The following DIXDC1 variants were observed in gnomAD, a reference collection of about 807,000 sequenced individuals.
The protein encoded by DIXDC1 is dixin.
A neutral mutation model predicts 103.1 loss-of-function variants in DIXDC1; 64 were observed. That is an observed-to-expected ratio of 0.62 (90% CI 0.51 to 0.76). The LOEUF (loss-of-function observed/expected upper bound fraction) is 0.76, where lower values mean the gene tolerates loss of function less well. DIXDC1 is among the 30% of genes least tolerant of loss of function. DIXDC1 has a pLI of 0.00. For missense variants in DIXDC1, 759 were observed against 834.2 expected, an observed-to-expected ratio of 0.91 and a Z score of 1.11; for synonymous variants, 266 against 298.5, an observed-to-expected ratio of 0.89 and a Z score of 1.12.
chr11:111,950,237 C>G (rs587644368), intron 1 of DIXDC1, among the ~76,000 whole-genome samples: 7 of 149,850 alleles, frequency 4.7e-5, no homozygotes, highest in African/African-American at 1.7e-4. Context: ...ACCAATGTGA[C>G]CCAAAAAAAG....
chr11:111,975,900 C>G, intron 5 of DIXDC1: 1 of 976,940 alleles, frequency 1.0e-6, no homozygotes, highest in Non-Finnish European at 1.2e-6. Context: ...GGTAAACTTG[C>G]TAACTTTTTA....
rs782369905 is a variant in DIXDC1, at chr11:111,980,855, A to G, written c.769+6A>G. 58 of 1,609,670 alleles carry G rather than the reference A, an allele frequency of 3.6e-5. No homozygotes were observed. In the South Asian group the frequency reaches 5.6e-4, roughly 16 times the overall value. ...AGGAATAGAGAACAGAACAGGTACT[A>G]TCTCTACGCCTGCCTGGGCTGGTTC... On this transcript the variant is annotated splice_donor_region_variant and intron_variant, in intron 6 of 19. Transcript: ENST00000440460.
intron 1 of DIXDC1, among the ~76,000 whole-genome samples, chr11:111,946,269 C>T (rs991700315): frequency 7.9e-5 from 12 of 152,278 alleles, no homozygotes; most frequent in African/African-American, 1.7e-4. Context: ...CCACTGTGCC[C>T]GGCTAATTTT....
chr11:111,943,436 G>C (rs2137449754), intron 1 of DIXDC1, among the ~76,000 whole-genome samples: 1 of 150,456 alleles, frequency 6.6e-6, no homozygotes, highest in South Asian at 2.1e-4. Context: ...GAACCACCGC[G>C]CCCGGCTACG....
intron 17 of DIXDC1, among the ~76,000 whole-genome samples, chr11:112,006,073 C>G (rs1861228073): frequency 6.6e-6 from 1 of 152,214 alleles, no homozygotes; most frequent in African/African-American, 2.4e-5. Flanking sequence ...AAACGGAACA[C>G]TCCTCCCCCA....
chr11:112,007,710 C>T (rs1555176752), intron 17 of DIXDC1, among the ~76,000 whole-genome samples: 1 of 152,084 alleles, frequency 6.6e-6, no homozygotes, highest in African/African-American at 2.4e-5. Flanking sequence ...CCAAACTAAG[C>T]TTCATAAGTG....
At chr11:111,936,476 C>T (rs1191231962), upstream of DIXDC1, among the ~76,000 whole-genome samples, 1 of 152,114 alleles carries the variant, frequency 6.6e-6, no homozygotes, top group African/African-American at 2.4e-5. Context: ...TATTTTAAAA[C>T]ACATTAAAAT....
At chr11:111,966,951 G>GCAGT (rs782378015) in intron 2 of DIXDC1, among the ~76,000 whole-genome samples, 9 of 152,136 alleles carry the variant, frequency 5.9e-5, no homozygotes, top group Admixed American at 2.0e-4. Context: ...ATTCAACATA[G>GCAGT]CAGTACTTGA....
At position 111,993,657 on chromosome 11, in the gene DIXDC1, T is replaced by A. The variant is rs1449885830; in HGVS notation, c.1366-12T>A. On this transcript the variant is annotated splice_polypyrimidine_tract_variant and intron_variant, in intron 13 of 19. Coordinates refer to ENST00000440460, the MANE Select transcript of DIXDC1 (RefSeq NM_001037954.4). ...AAAGAAATCATTTTCTGATTTAGTG[T>A]CTATTTTGCAGGTGGATCTAGAGCG... 1 of 1,613,876 alleles carries A rather than the reference T, an allele frequency of 6.2e-7. No individual in the cohort carries two copies. The highest frequency in any genetic ancestry group is 8.5e-7 in the Non-Finnish European group (1 of 1,179,900).
At chr11:112,000,694 TA>T (rs1213037054) in intron 17 of DIXDC1, among the ~76,000 whole-genome samples, 696 of 117,924 alleles carry the variant, frequency 5.9e-3, no homozygotes, top group African/African-American at 0.011. Flanking sequence ...AGATTCTGTC[TA>T]AAAAAAAAAA....
intron 17 of DIXDC1, among the ~76,000 whole-genome samples, chr11:112,005,352 G>A (rs891572156): frequency 2.6e-5 from 4 of 151,976 alleles, no homozygotes; most frequent in South Asian, 2.1e-4. Flanking sequence ...TCAATTCACC[G>A]AGAAGACATA....
rs782657124 is a variant in DIXDC1 at position 111,964,565 on chromosome 11, A to T, written c.77A>T (p.Tyr26Phe). The part of the protein sequence containing the change: ...EGFNEQQLQA[Y>F]VAWVNAQLKK... Reference sequence around the variant, plus strand: ...ATTTTCCAGCAACAGCTGCAGGCCTATGTGGCCTGGGTGAATGCACAGCTG... The same window carrying T: ...ATTTTCCAGCAACAGCTGCAGGCCTTTGTGGCCTGGGTGAATGCACAGCTG... Residue 26 changes from tyrosine to phenylalanine, a missense_variant, in exon 2 of 20, where the codon TAT (tyrosine) becomes TTT (phenylalanine). By Grantham distance (22) the Tyr-to-Phe change is conservative. This residue lies in a region of DIXDC1 where 97 missense variants were observed against 85.4 expected (regional missense o/e 1.14). Coordinates refer to ENST00000440460, the MANE Select transcript of DIXDC1 (RefSeq NM_001037954.4). The T allele has an allele frequency of 1.2e-6, 2 of 1,605,714 alleles. No individual in the cohort carries two copies. The highest frequency in any genetic ancestry group is 2.2e-5 in the South Asian group (2 of 89,722).
chr11:111,985,277 C>T lies in DIXDC1; in HGVS notation c.964C>T (p.Pro322Ser). The T allele has an allele frequency of 6.2e-7, 1 of 1,613,632 alleles. No homozygotes were observed. The highest frequency in any genetic ancestry group is 1.1e-5 in the South Asian group (1 of 90,956). Reference protein sequence around the residue: ...GSLPEDEQERPLALCEPGVNP... With the variant: ...GSLPEDEQERSLALCEPGVNP... Reference sequence around the variant, plus strand: ...CTTACCTGAAGATGAACAGGAGAGGCCCTTGGCCCTCTGTGAACCAGGTGT... The same window carrying T: ...CTTACCTGAAGATGAACAGGAGAGGTCCTTGGCCCTCTGTGAACCAGGTGT... The change falls in exon 8 of 20, where the codon CCC becomes TCC. Residue 322 changes from proline to serine, a missense_variant. Physicochemically the swap from Pro to Ser is moderately conservative, Grantham distance 74. This residue lies in a region of DIXDC1 where 657 missense variants were observed against 727.5 expected (regional missense o/e 0.90). Coordinates refer to ENST00000440460, the MANE Select transcript of DIXDC1 (RefSeq NM_001037954.4).
In DIXDC1 at chr11:111,992,490, A is replaced by G. The variant is rs868934114; in HGVS notation, c.1189A>G (p.Met397Val). The G allele has an allele frequency of 6.4e-7, 1 of 1,571,642 alleles. No individual in the cohort carries two copies. The highest frequency in any genetic ancestry group is 1.2e-5 in the South Asian group (1 of 85,112). ...CAAACAAGAGCTACTGAGGGCAAAT[A>G]TGGACAAAGATGAGCTGCACAACCA... ...QLKQELLRAN[M>V]DKDELHNQNV... Residue 397 changes from methionine to valine, a missense_variant, in exon 11 of 20, where the codon ATG becomes GTG. By Grantham distance (21) the Met-to-Val change is conservative. Coordinates refer to ENST00000440460, the MANE Select transcript of DIXDC1 (RefSeq NM_001037954.4).
At chr11:111,937,128 GGGC>G (rs1470081323), upstream of DIXDC1, 907 of 683,842 alleles carry the variant, frequency 1.3e-3, 80 homozygotes, top group African/African-American at 0.025. Context: ...GCTGCGGCCC[GGGC>G]GGGGGGGGGG....
At chr11:111,963,169 A>G (rs782280249) in intron 1 of DIXDC1, among the ~76,000 whole-genome samples, 2 of 152,232 alleles carry the variant, frequency 1.3e-5, no homozygotes, top group Non-Finnish European at 2.9e-5. Flanking sequence ...GAATTGGATG[A>G]CGATGACAAA....
At chr11:111,937,027 GTGTGTA>G (rs1966213836), upstream of DIXDC1, among the ~76,000 whole-genome samples, 1 of 150,760 alleles carries the variant, frequency 6.6e-6, no homozygotes, top group African/African-American at 2.4e-5. Flanking sequence ...GTGTGTGTGT[GTGTGTA>G]TGCACACAGC....
chr11:111,980,913 C>T (rs1211045200), intron 6 of DIXDC1, 64 bp downstream of exon 6: 9 of 1,373,572 alleles, frequency 6.6e-6, no homozygotes, highest in Non-Finnish European at 7.2e-6. Flanking sequence ...TTTAGAGGTC[C>T]CCATCACCAA....
chr11:111,946,207 C>T (rs1966590726), intron 1 of DIXDC1, among the ~76,000 whole-genome samples: 1 of 151,364 alleles, frequency 6.6e-6, no homozygotes, highest in South Asian at 2.1e-4. Flanking sequence ...CTCCTGGGTT[C>T]CCGCCATTCT....
Sources: allele counts gnomAD v4.1 joint callset (sites outside exome capture counted in the v4.1 genomes callset), GRCh38; gene constraint gnomAD v4.1.1; regional missense constraint gnomAD v4.1.1; transcripts MANE v1.5; gene names NCBI Gene and HGNC (gene_info 2026-07-23, HGNC 2026-07-21).